SDK1: variants seen among roughly 807,000 people sequenced by gnomAD.
SDK1 encodes protein sidekick-1.
SDK1 carries 157 observed loss-of-function variants against 245.5 expected under a neutral mutation model. The ratio of observed to expected loss-of-function variants is 0.64; its 90% CI spans 0.56 to 0.73. SDK1 has a LOEUF of 0.73. SDK1 is among the 30% of genes least tolerant of loss of function. SDK1 has a pLI of 0.00. For synonymous variants in SDK1, 1,647 were observed against 1,278.5 expected, an observed-to-expected ratio of 1.29 and a Z score of -6.15; for missense variants, 3,583 against 3,002.3, an observed-to-expected ratio of 1.19 and a Z score of -4.52.
intron 4 of SDK1, among the ~76,000 whole-genome samples, chr7:3,691,917 C>G (rs191448364): frequency 5.9e-5 from 9 of 152,158 alleles, no homozygotes; most frequent in Non-Finnish European, 1.2e-4. Context: ...GCCTTTTATC[C>G]TGCAGGATTC....
At chr7:3,710,236 T>C (rs1432450311) in intron 4 of SDK1, among the ~76,000 whole-genome samples, 2 of 152,192 alleles carry the variant, frequency 1.3e-5, no homozygotes, top group South Asian at 4.1e-4. Context: ...GTACATTTTG[T>C]TTTCTTGCCT....
intron 1 of SDK1, among the ~76,000 whole-genome samples, chr7:3,335,481 G>C (rs748420138): frequency 2.8e-5 from 4 of 142,378 alleles, no homozygotes; most frequent in Admixed American, 7.0e-5. Flanking sequence ...ATGTTATTTT[G>C]CTTCTTGTGT....
chr7:3,786,706 A>G (rs190898919), intron 4 of SDK1, among the ~76,000 whole-genome samples: 25 of 152,270 alleles, frequency 1.6e-4, no homozygotes, highest in Non-Finnish European at 3.2e-4. Context: ...TCGCTGATGA[A>G]ATGGATGTTT....
chr7:3,968,021 G>A (rs990893878), intron 10 of SDK1, among the ~76,000 whole-genome samples: 6 of 152,212 alleles, frequency 3.9e-5, no homozygotes, highest in Admixed American at 2.0e-4. Context: ...CTCTATCCAC[G>A]CCCTTCAGAG....
intron 1 of SDK1, among the ~76,000 whole-genome samples, chr7:3,401,553 C>T (rs553278889): frequency 6.6e-6 from 1 of 152,064 alleles, no homozygotes; most frequent in Non-Finnish European, 1.5e-5. Flanking sequence ...CACTCATGGC[C>T]CAGGTGAGTC....
intron 4 of SDK1, among the ~76,000 whole-genome samples, chr7:3,666,607 C>G (rs79374268): frequency 1.8e-4 from 28 of 152,282 alleles, no homozygotes; most frequent in African/African-American, 6.7e-4. Flanking sequence ...ATCATAAGCT[C>G]CTGAGGACAG....
At chr7:3,478,622 G>A (rs1297886270) in intron 1 of SDK1, among the ~76,000 whole-genome samples, 2 of 151,594 alleles carry the variant, frequency 1.3e-5, no homozygotes, top group Non-Finnish European at 2.9e-5. Context: ...CAATGTTGCT[G>A]GAGGTTTATT....
At chr7:3,567,482 A>T (rs1399033672) in intron 1 of SDK1, among the ~76,000 whole-genome samples, 1 of 152,190 alleles carries the variant, frequency 6.6e-6, no homozygotes, top group Non-Finnish European at 1.5e-5. Flanking sequence ...TGACGTTTAG[A>T]CTAAGTGGTC....
rs141508324 is a variant in SDK1 at position 3,939,941 on chromosome 7, T to C, written c.848-10982T>C. Among the ~76,000 whole-genome samples the C allele has an allele frequency of 5.8e-4, 89 of 152,366 alleles. 1 individual carries two copies. The highest frequency in any genetic ancestry group is 1.9e-3 in the African/African-American group (81 of 41,598). On this transcript the variant is annotated intron_variant, in intron 5 of 44. Coordinates refer to ENST00000404826, the MANE Select transcript of SDK1 (RefSeq NM_152744.4). ...GATTTTAAGTGAAGTGTCACGGAGC[T>C]GTCTTCACCCAGCCCATGAAAAACC...
At chr7:4,012,337 C>T (rs1325778015) in intron 16 of SDK1, 102 bp downstream of exon 16, 3 of 1,264,194 alleles carry the variant, frequency 2.4e-6, no homozygotes, top group Non-Finnish European at 2.1e-6. Context: ...CAAACAGGAA[C>T]CAAAGGAGTC....
intron 1 of SDK1, among the ~76,000 whole-genome samples, chr7:3,519,896 G>C (rs1583989831): frequency 6.6e-6 from 1 of 152,070 alleles, no homozygotes; most frequent in Non-Finnish European, 1.5e-5. Flanking sequence ...CAAATATTGT[G>C]TGTATAAACT....
chr7:3,827,915 T>C (rs1279519857), intron 5 of SDK1, among the ~76,000 whole-genome samples: 2 of 152,154 alleles, frequency 1.3e-5, no homozygotes, highest in African/African-American at 2.4e-5. Context: ...CAAACCTTGG[T>C]ATGATAAGCA....
In SDK1 at chr7:4,092,596, G is replaced by A. The variant is rs114743631; in HGVS notation, c.3324+13012G>A. 2.5e-3 allele frequency among the ~76,000 whole-genome samples: 374 copies of A among 152,318 alleles called. 1 individual carries two copies. The highest frequency in any genetic ancestry group is 8.7e-3 in the African/African-American group (360 of 41,570). ...TCTCACAGCCTCTCACCCGGGAAGCGGTTGTTGACTCCTAGTCTGTGCCTG... is the reference window on the plus strand; with the variant it reads ...TCTCACAGCCTCTCACCCGGGAAGCAGTTGTTGACTCCTAGTCTGTGCCTG... On this transcript the variant is annotated intron_variant, in intron 22 of 44. Transcript: ENST00000404826.
chr7:3,936,235 A>G (rs1239318268), intron 5 of SDK1, among the ~76,000 whole-genome samples: 1 of 151,898 alleles, frequency 6.6e-6, no homozygotes, highest in Non-Finnish European at 1.5e-5. Context: ...GCTGGGGAGG[A>G]GGAAGTGGGG....
At chr7:3,659,310 T>A (rs1040344075) in intron 4 of SDK1, among the ~76,000 whole-genome samples, 7 of 152,126 alleles carry the variant, frequency 4.6e-5, no homozygotes, top group African/African-American at 1.7e-4. Flanking sequence ...GTTCTCAGAA[T>A]TTCCAGCCTG....
At chr7:3,495,039 C>T (rs954637845) in intron 1 of SDK1, among the ~76,000 whole-genome samples, 1 of 152,064 alleles carries the variant, frequency 6.6e-6, no homozygotes, top group African/African-American at 2.4e-5. Flanking sequence ...CTAATTTCTT[C>T]AATTTGTCTC....
chr7:3,923,658 A>C (rs1160633970), intron 5 of SDK1, among the ~76,000 whole-genome samples: 1 of 152,182 alleles, frequency 6.6e-6, no homozygotes, highest in African/African-American at 2.4e-5. Flanking sequence ...GGAAGTGCCT[A>C]TTTGCTCACC....
In SDK1 at chr7:4,002,970, G is replaced by T. The variant is rs1268472894; in HGVS notation, c.2132-7996G>T. Among the ~76,000 whole-genome samples the T allele has an allele frequency of 2.0e-5, 3 of 152,360 alleles. No homozygotes were observed. In the East Asian group the frequency reaches 5.8e-4, roughly 29 times the overall value. ...AGGGCACTGGGCAGTGCTGTTTGCA[G>T]CTCATGGAGCCCTAGCCCTTTGCTA... On this transcript the variant is annotated intron_variant, in intron 14 of 44. Coordinates refer to ENST00000404826, the MANE Select transcript of SDK1 (RefSeq NM_152744.4).
chr7:3,994,906 G>T (rs1426947567), intron 14 of SDK1, among the ~76,000 whole-genome samples: 1 of 152,112 alleles, frequency 6.6e-6, no homozygotes, highest in African/African-American at 2.4e-5. Context: ...TCACTGAGTG[G>T]TTTCCCCTGC....
Sources: allele counts gnomAD v4.1 joint callset (sites outside exome capture counted in the v4.1 genomes callset), GRCh38; gene constraint gnomAD v4.1.1; transcripts MANE v1.5; gene names NCBI Gene and HGNC (gene_info 2026-07-23, HGNC 2026-07-21).